MXRA5: variants seen among roughly 807,000 people sequenced by gnomAD.
MXRA5 encodes the protein matrix-remodeling-associated protein 5.
Under a neutral mutation model 112.5 loss-of-function variants are expected in MXRA5, and 41 were observed. The ratio of observed to expected loss-of-function variants is 0.36; its 90% CI spans 0.28 to 0.47. The LOEUF (loss-of-function observed/expected upper bound fraction) is 0.47. Ranked by LOEUF, MXRA5 falls within the 20% of genes least tolerant of loss-of-function variation. The probability of loss-of-function intolerance (pLI) is 0.99; values close to 1 mark genes in which losing one functional copy is unlikely to be tolerated. For synonymous variants in MXRA5, 862 were observed against 900.8 expected, an observed-to-expected ratio of 0.96 and a Z score of 0.77; for missense variants, 2,150 against 2,251.0, an observed-to-expected ratio of 0.96 and a Z score of 0.91.
Position 3,324,912 on chromosome X carries a change from C to G in MXRA5, c.773G>C (p.Ser258Thr). Residue 258 changes from serine (S) to threonine (T), a missense_variant, in exon 5 of 7, where the codon AGT becomes ACT. By Grantham distance (58) the Ser-to-Thr change is moderately conservative (BLOSUM62 1). Transcript: ENST00000217939. ...CTCATGTTTGTACAACTTCTTTGGA[C>G]TGAAGCACATTGCACACAACTGACC... ...EGGQLCAMCF[S>T]PKKLYKHEIH... 8.3e-7 allele frequency: 1 copy of G among 1,208,472 alleles called. No individual in the cohort carries two copies. The highest frequency in any genetic ancestry group is 1.1e-6 in the Non-Finnish European group (1 of 894,571).
At chrX:3,316,227 T>G (rs1921121652) in intron 6 of MXRA5, among the ~76,000 whole-genome samples, 1 of 44,473 alleles carries the variant, frequency 2.2e-5, no homozygotes, top group African/African-American at 1.7e-4. Flanking sequence ...GGCAGGAGAA[T>G]GGCGTGAACC....
At chrX:3,318,068 C>T in intron 5 of MXRA5, 65 bp from the exon 6 acceptor site, 3 of 938,733 alleles carry the variant, frequency 3.2e-6, no homozygotes, top group Non-Finnish European at 4.4e-6. Flanking sequence ...CTCAAACGAG[C>T]AGTATTAGTT....
At position 3,320,049 on chromosome X, in the gene MXRA5, C is replaced by T. The variant is rs147225813; in HGVS notation, c.5636G>A (p.Gly1879Glu). The T allele has an allele frequency of 2.5e-6, 3 of 1,207,977 alleles. No homozygotes were observed. Among genetic ancestry groups the T allele is most frequent in the Non-Finnish European group, 3.4e-6 (3 of 893,767 alleles). Residue 1879 changes from glycine (G) to glutamate (E), a missense_variant, in exon 5 of 7, where the codon GGA (glycine) becomes GAA (glutamate). This residue lies in a region of MXRA5 where 1,485 missense variants were observed against 1,471.6 expected (regional missense o/e 1.01). Transcript: ENST00000217939. ...CCAAGTAACGAAAGGCTTTGGTTTT[C>T]CTGTTGCCTCACAGGGGAACACAGT... ...TDTVFPCEAT[G>E]KPKPFVTWTK... is the part of the protein sequence containing the mutation.
intron 6 of MXRA5, among the ~76,000 whole-genome samples, chrX:3,314,880 GCAGATAGATAGA>G (rs1478346409): frequency 2.2e-5 from 2 of 92,255 alleles, no homozygotes; most frequent in Non-Finnish European, 4.4e-5. Context: ...AGGTAGGTAG[GCAGATAGATAGA>G]TAGATAGATA....
intron 3 of MXRA5, 117 bp from the exon 4 acceptor site, chrX:3,330,525 C>T: frequency 3.6e-6 from 4 of 1,111,198 alleles, no homozygotes; most frequent in South Asian, 4.4e-5. Flanking sequence ...TGAAGCTTGT[C>T]TTTCATGTCA....
chrX:3,311,644 G>A lies in MXRA5; in HGVS notation c.6579-20C>T, dbSNP rs1920992477. On this transcript the variant is annotated intron_variant, in intron 6 of 6. Transcript: ENST00000217939. The stretch of plus-strand genomic sequence containing the variant: ...TCAAAACTACAGAAAAAAAGAAAAA[G>A]GAGTAAGATGTCAGTTTCCCAAATG... The A allele has an allele frequency of 8.6e-7, 1 of 1,160,805 alleles. No individual in the cohort carries two copies. The highest frequency in any genetic ancestry group is 1.8e-5 in the African/African-American group (1 of 56,559).
At chrX:3,326,587 T>C (rs2035475202) in intron 4 of MXRA5, among the ~76,000 whole-genome samples, 1 of 108,639 alleles carries the variant, frequency 9.2e-6, no homozygotes, top group African/African-American at 3.3e-5. Flanking sequence ...ACTATATCTA[T>C]ATTTATAACT....
Position 3,311,073 on chromosome X carries a change from T to C in MXRA5, c.7130A>G (p.Lys2377Arg), listed in dbSNP as rs752602467. 55 of 1,209,506 alleles carry C rather than the reference T, an allele frequency of 4.5e-5. No homozygotes were observed. The Admixed American group carries it at 1.2e-3, about 26-fold the overall frequency. Reference protein sequence around the residue: ...ACEAKGEPMPKVTWLSPTNKV... With the variant: ...ACEAKGEPMPRVTWLSPTNKV... ...GTTGGTTGGGGACAACCAAGTCACC[T>C]TGGGCATGGGTTCTCCTTTGGCCTC... The change falls in exon 7 of 7, where the codon AAG (lysine) becomes AGG (arginine). Residue 2377 changes from lysine (K) to arginine (R), a missense_variant. Coordinates refer to ENST00000217939, the MANE Select transcript of MXRA5 (RefSeq NM_015419.4).
At chrX:3,328,389 A>C (rs913249507) in intron 4 of MXRA5, among the ~76,000 whole-genome samples, 4 of 112,230 alleles carry the variant, frequency 3.6e-5, no homozygotes, top group African/African-American at 1.3e-4. Context: ...TGGGACCACC[A>C]TGCTAGAGGA....
chrX:3,346,579 G>A lies in MXRA5; in HGVS notation c.-93C>T, dbSNP rs2146936576. 2 of 752,924 alleles carry A rather than the reference G, an allele frequency of 2.7e-6. No individual in the cohort carries two copies. The highest frequency in any genetic ancestry group is 3.1e-4 in the East Asian group (2 of 6,545). 62.0% of individuals were successfully genotyped at this position (752,924 alleles called of 1,213,427 possible). ...GGGAGCATCCACCGAGCCGGGGCGC[G>A]CGAGTCACGGCCGGGAGTTTGCCGG... is the stretch of plus-strand genomic sequence containing the variant. On this transcript the variant is annotated 5_prime_UTR_variant, in exon 1 of 7. Transcript: ENST00000217939.
At chrX:3,341,256 T>C (rs1314629474) in intron 2 of MXRA5, among the ~76,000 whole-genome samples, 1 of 47,570 alleles carries the variant, frequency 2.1e-5, no homozygotes, top group Non-Finnish European at 3.5e-5. Flanking sequence ...ATATATAATA[T>C]ATAATAGAAT....
At chrX:3,318,798 G>C (rs1921219323) in intron 5 of MXRA5, among the ~76,000 whole-genome samples, 1 of 111,714 alleles carries the variant, frequency 9.0e-6, no homozygotes, top group African/African-American at 3.3e-5. Flanking sequence ...GTCCATCAAT[G>C]AATGAATGGA....
chrX:3,320,862 A>G lies in MXRA5; in HGVS notation c.4823T>C (p.Val1608Ala). The G allele has an allele frequency of 1.7e-6, 2 of 1,210,447 alleles. No homozygotes were observed. The highest frequency in any genetic ancestry group is 1.8e-5 in the South Asian group (1 of 56,888). Residue 1608 changes from valine (V) to alanine (A), a missense_variant, in exon 5 of 7, where the codon GTC (valine) becomes GCC (alanine). Coordinates refer to ENST00000217939, the MANE Select transcript of MXRA5 (RefSeq NM_015419.4). Reference sequence around the variant, plus strand: ...TGTTGGTAGGATGGGTTTGGCAGGGACTCTGGTTAGTTGATGAGAAGCATG... The same window carrying G: ...TGTTGGTAGGATGGGTTTGGCAGGGGCTCTGGTTAGTTGATGAGAAGCATG... Reference protein sequence around the residue: ...RVHASHQLTRVPAKPILPTAT... With the variant: ...RVHASHQLTRAPAKPILPTAT...
intron 6 of MXRA5, among the ~76,000 whole-genome samples, chrX:3,316,716 G>T: frequency 9.2e-6 from 1 of 108,901 alleles, no homozygotes; most frequent in Non-Finnish European, 1.9e-5. Context: ...TCACTCTGTC[G>T]TCCAGGGTGG....
rs146183463 is a variant in MXRA5 at position 3,311,360 on chromosome X, G to A, written c.6843C>T (p.Asp2281=). Residue 2281 remains aspartate (D), a synonymous_variant, in exon 7 of 7, where the codon GAC becomes GAT. Coordinates refer to ENST00000217939, the MANE Select transcript of MXRA5 (RefSeq NM_015419.4). ...GCATGAAGGAGTTCACCAGACTCCCGTCTGGGAGGCTCCAGGAGATCTCGG... is the reference window on the plus strand; with the variant it reads ...GCATGAAGGAGTTCACCAGACTCCCATCTGGGAGGCTCCAGGAGATCTCGG... The part of the protein sequence containing the change: ...PNPEISWSLP[D]GSLVNSFMQS... 8 of 1,210,254 alleles carry A rather than the reference G, an allele frequency of 6.6e-6. No homozygotes were observed. The highest frequency in any genetic ancestry group is 2.3e-4 in the Middle Eastern group (1 of 4,342).
intron 6 of MXRA5, 137 bp from the exon 7 acceptor site, chrX:3,311,761 T>C: frequency 2.0e-6 from 1 of 510,458 alleles, no homozygotes; most frequent in East Asian, 3.6e-5. Context: ...GAATGCCCAG[T>C]GGTTTTTACA....
intron 6 of MXRA5, among the ~76,000 whole-genome samples, chrX:3,315,391 T>TGATAGATAGATAGATAGATAGATA (rs111904144): frequency 1.0e-3 from 59 of 56,724 alleles, no homozygotes; most frequent in Middle Eastern, 7.6e-3. Flanking sequence ...GATAGATAGA[T>TGATAGATAGATAGATAGATAGATA]GATAGATAGA....
intron 4 of MXRA5, 34 bp from the exon 5 acceptor site, chrX:3,325,009 G>A: frequency 1.8e-6 from 2 of 1,131,893 alleles, no homozygotes; most frequent in Non-Finnish European, 2.3e-6. Flanking sequence ...AATAGGGTAA[G>A]GAGCCAAAGA....
At position 3,319,291 on chromosome X, in the gene MXRA5, A is replaced by G. The variant is rs1489999647; in HGVS notation, c.5677+717T>C. Among the ~76,000 whole-genome samples the G allele has an allele frequency of 2.7e-5, 3 of 112,755 alleles. No individual in the cohort carries two copies. The East Asian group carries it at 8.4e-4, about 31-fold the overall frequency. ...GTTTCTCTTTTTCATCTTTACACTA[A>G]TCCCAGAAACAGGGCCATCTTCAGG... On this transcript the variant is annotated intron_variant, in intron 5 of 6. Coordinates refer to ENST00000217939, the MANE Select transcript of MXRA5 (RefSeq NM_015419.4).
Sources: allele counts gnomAD v4.1 joint callset (sites outside exome capture counted in the v4.1 genomes callset), GRCh38; gene constraint gnomAD v4.1.1; regional missense constraint gnomAD v4.1.1; transcripts MANE v1.5; gene names NCBI Gene and HGNC (gene_info 2026-07-23, HGNC 2026-07-21).